RBPJ: variants seen among roughly 807,000 people sequenced by gnomAD.
RBPJ encodes recombining binding protein suppressor of hairless.
RBPJ carries 9 observed loss-of-function variants against 67.8 expected under a neutral mutation model. That is an observed-to-expected ratio of 0.13 (90% CI 0.08 to 0.23). The LOEUF is 0.23. Ranked by LOEUF, RBPJ falls within the 10% of genes least tolerant of loss-of-function variation. The pLI is 1.00. For missense variants in RBPJ, 305 were observed against 595.6 expected (o/e 0.51, Z 5.08); for synonymous variants, 198 against 203.3 (o/e 0.97, Z 0.22).
chr4:26,259,236 G>C, intron 1 of RBPJ, among the ~76,000 whole-genome samples: 1 of 152,174 alleles, frequency 6.6e-6, no homozygotes, highest in East Asian at 1.9e-4. Flanking sequence ...ATGTGTAGAA[G>C]CATGATGTAT....
intron 5 of RBPJ, 29 bp downstream of exon 5, chr4:26,420,754 A>G (rs1183004455): frequency 6.5e-7 from 1 of 1,536,750 alleles, no homozygotes; most frequent in Non-Finnish European, 8.8e-7. Context: ...TTTATCCCCA[A>G]CTGCCACCAT....
chr4:26,253,435 C>A (rs1720183619), intron 1 of RBPJ, among the ~76,000 whole-genome samples: 1 of 148,464 alleles, frequency 6.7e-6, no homozygotes, highest in South Asian at 2.1e-4. Context: ...GCTCAGCCTC[C>A]CGAGTAGCTG....
chr4:26,267,244 G>A (rs1720732715), intron 1 of RBPJ, among the ~76,000 whole-genome samples: 1 of 152,122 alleles, frequency 6.6e-6, no homozygotes, highest in South Asian at 2.1e-4. Flanking sequence ...TTAGAGTCTG[G>A]AGGGGGTGGG....
chr4:26,308,471 CAT>C (rs766640789), intron 1 of RBPJ, among the ~76,000 whole-genome samples: 6 of 152,156 alleles, frequency 3.9e-5, no homozygotes, highest in Non-Finnish European at 8.8e-5. Flanking sequence ...AAAATTCCCA[CAT>C]GTTGAGATAA....
chr4:26,398,494 C>T (rs1427873410), intron 2 of RBPJ, among the ~76,000 whole-genome samples: 1 of 152,182 alleles, frequency 6.6e-6, no homozygotes, highest in Admixed American at 6.5e-5. Flanking sequence ...GAGGATCTTG[C>T]CTCCAGGAAT....
chr4:26,385,227 G>T (rs945482617), intron 1 of RBPJ, among the ~76,000 whole-genome samples: 2 of 151,488 alleles, frequency 1.3e-5, no homozygotes, highest in African/African-American at 4.9e-5. Context: ...CACCATGTTG[G>T]CCAGGCTGGT....
chr4:26,285,093 G>A (rs1721418003), intron 1 of RBPJ, among the ~76,000 whole-genome samples: 1 of 151,798 alleles, frequency 6.6e-6, no homozygotes, highest in South Asian at 2.1e-4. Context: ...CTGACCTTGT[G>A]ATCCGCCCAC....
intron 1 of RBPJ, among the ~76,000 whole-genome samples, chr4:26,241,480 G>C (rs1377941608): frequency 6.6e-6 from 1 of 151,966 alleles, no homozygotes; most frequent in Non-Finnish European, 1.5e-5. Flanking sequence ...CTTCTGACCT[G>C]TCTTCTTTTC....
intron 5 of RBPJ, among the ~76,000 whole-genome samples, chr4:26,422,416 TC>T (rs1735235762): frequency 1.3e-5 from 2 of 152,214 alleles, no homozygotes; most frequent in Non-Finnish European, 2.9e-5. Context: ...TGGAGTTTTT[TC>T]TACAAAGAGG....
intron 1 of RBPJ, among the ~76,000 whole-genome samples, chr4:26,355,513 G>T (rs1212598721): frequency 2.6e-5 from 4 of 151,866 alleles, no homozygotes; most frequent in African/African-American, 7.3e-5. Context: ...AATGGGTGTG[G>T]GGGTGCATGT....
At chr4:26,427,596 G>T (rs780338553) in intron 7 of RBPJ, among the ~76,000 whole-genome samples, 1 of 152,174 alleles carries the variant, frequency 6.6e-6, no homozygotes, top group African/African-American at 2.4e-5. Context: ...CTGAGAAAAT[G>T]AAGTAAAATG....
chr4:26,269,419 C>T (rs575493490), intron 1 of RBPJ, among the ~76,000 whole-genome samples: 1 of 151,976 alleles, frequency 6.6e-6, no homozygotes, highest in East Asian at 1.9e-4. Context: ...CCATGCCCAA[C>T]TAATTTTTGT....
At chr4:26,117,729 G>T in the RBPJ span, among the ~76,000 whole-genome samples, 2 of 152,272 alleles carry the variant, frequency 1.3e-5, no homozygotes, top group Admixed American at 6.5e-5. Flanking sequence ...ATGGAGTTAA[G>T]GAGAGATACT....
At chr4:26,315,449 C>G (rs182892967), upstream of RBPJ, among the ~76,000 whole-genome samples, 97 of 151,824 alleles carry the variant, frequency 6.4e-4, no homozygotes, top group African/African-American at 2.3e-3. Flanking sequence ...GAGTAGTTCA[C>G]AAAGATCACA....
At chr4:26,241,275 G>A (rs1456585707) in intron 1 of RBPJ, among the ~76,000 whole-genome samples, 1 of 151,712 alleles carries the variant, frequency 6.6e-6, no homozygotes, top group Admixed American at 6.6e-5. Context: ...TTTTACTCTA[G>A]AATCTGTTAG....
chr4:26,199,559 T>C (rs1276112647), intron 1 of RBPJ, among the ~76,000 whole-genome samples: 16 of 152,146 alleles, frequency 1.1e-4, no homozygotes, highest in Admixed American at 1.0e-3. Flanking sequence ...ACTAAAAGTC[T>C]AGATTGAGCC....
chr4:26,215,409 A>AGG (rs1560214919), intron 1 of RBPJ, among the ~76,000 whole-genome samples: 2 of 11,082 alleles, frequency 1.8e-4, no homozygotes, highest in East Asian at 0.019. Flanking sequence ...AAGGGGGGGG[A>AGG]AGGAAGGAAG....
chr4:26,304,911 T>C (rs903399344), intron 1 of RBPJ, among the ~76,000 whole-genome samples: 5 of 152,118 alleles, frequency 3.3e-5, no homozygotes, highest in African/African-American at 7.2e-5. Flanking sequence ...ATCTAAGAAA[T>C]CATTGCTAAT....
chr4:26,341,934 A>G (rs889530159), intron 1 of RBPJ, among the ~76,000 whole-genome samples: 3 of 152,220 alleles, frequency 2.0e-5, no homozygotes, highest in African/African-American at 7.2e-5. Flanking sequence ...GGCTAGTCCA[A>G]CATCCTAGAA....
Sources: gnomAD v4.1 joint callset for allele counts (sites outside exome capture counted in the v4.1 genomes callset) on GRCh38, gnomAD v4.1.1 for gene constraint, MANE v1.5 for transcripts, NCBI Gene and HGNC (gene_info 2026-07-23, HGNC 2026-07-21) for gene names.